FBN2: variants seen among roughly 807,000 people sequenced by gnomAD.
FBN2 encodes the protein fibrillin 2.
Under a neutral mutation model 355.6 loss-of-function variants are expected in FBN2, and 105 were observed. That is an observed-to-expected ratio of 0.30 (90% confidence interval 0.25 to 0.35). FBN2 has a LOEUF of 0.35. Ranked by LOEUF, FBN2 falls within the 10% of genes least tolerant of loss-of-function variation. The probability of loss-of-function intolerance (pLI) is 1.00; values close to 1 mark genes in which losing one functional copy is unlikely to be tolerated. For missense variants in FBN2, 3,280 were observed against 3,758.7 expected (o/e 0.87, Z 3.33); for synonymous variants, 1,350 against 1,301.2 (o/e 1.04, Z -0.81).
At chr5:128,381,468 G>A (rs1390828301) in intron 11 of FBN2, among the ~76,000 whole-genome samples, 1 of 152,002 alleles carries the variant, frequency 6.6e-6, no homozygotes, top group East Asian at 1.9e-4. Context: ...AGTTACTAGT[G>A]TTATCTTGGG....
rs183872016 is a variant in FBN2 at position 128,267,133 on chromosome 5, T to A, written c.7961-3477A>T. ...GGATGATGATTTCCAGCTTCATCCA[T>A]GTCCCTGCAAAGGACATGCTCTCAT... On this transcript the variant is annotated intron_variant, in intron 62 of 64. Coordinates refer to ENST00000262464, the MANE Select transcript of FBN2 (RefSeq NM_001999.4). Among the ~76,000 whole-genome samples the A allele has an allele frequency of 2.6e-3, 392 of 152,338 alleles. 3 individuals are homozygous for A. Among genetic ancestry groups the A allele is most frequent in the African/African-American group, 8.9e-3 (371 of 41,558 alleles).
At chr5:128,490,885 C>T (rs943103256) in intron 5 of FBN2, among the ~76,000 whole-genome samples, 4 of 152,098 alleles carry the variant, frequency 2.6e-5, no homozygotes, top group Non-Finnish European at 5.9e-5. Context: ...AAAGAGGTTA[C>T]TCATCAATTT....
rs957407798 is a variant in FBN2, at chr5:128,285,174, T to C, written c.7012+1544A>G. The stretch of plus-strand genomic sequence containing the variant: ...TTTAATTCCCTTAACTGTAATACTT[T>C]TAGTTTCCGTTGCAATCGACTTTTT... On this transcript the variant is annotated intron_variant, in intron 55 of 64. Transcript: ENST00000262464. Among the ~76,000 whole-genome samples, 6 of 149,700 alleles carry C rather than the reference T, an allele frequency of 4.0e-5. No homozygotes were observed. In the Admixed American group the frequency reaches 4.1e-4, roughly 10 times the overall value.
chr5:128,282,656 C>CT (rs563402620), intron 55 of FBN2, among the ~76,000 whole-genome samples: 1 of 152,024 alleles, frequency 6.6e-6, no homozygotes, highest in Non-Finnish European at 1.5e-5. Flanking sequence ...TTGCCTGATT[C>CT]TTTTTTCTGT....
intron 36 of FBN2, among the ~76,000 whole-genome samples, chr5:128,317,782 T>G (rs1750248264): frequency 6.6e-6 from 1 of 152,190 alleles, no homozygotes; most frequent in Non-Finnish European, 1.5e-5. Context: ...CTTCATTTAC[T>G]TTGCTATATG....
At chr5:128,481,142 C>A (rs984945749) in intron 5 of FBN2, among the ~76,000 whole-genome samples, 2 of 151,202 alleles carry the variant, frequency 1.3e-5, no homozygotes, top group Non-Finnish European at 2.9e-5. Flanking sequence ...AATTATTCAG[C>A]AAAGAGAAAT....
intron 5 of FBN2, among the ~76,000 whole-genome samples, chr5:128,510,221 A>G (rs1216316987): frequency 3.3e-5 from 5 of 152,176 alleles, no homozygotes; most frequent in Non-Finnish European, 7.4e-5. Flanking sequence ...TGGGCCACAC[A>G]TAAAATACAC....
intron 36 of FBN2, among the ~76,000 whole-genome samples, chr5:128,314,056 A>T (rs949844776): frequency 1.3e-5 from 2 of 151,986 alleles, no homozygotes; most frequent in African/African-American, 4.8e-5. Flanking sequence ...ACCTTCTGTA[A>T]GCCAGAGTGA....
intron 48 of FBN2, among the ~76,000 whole-genome samples, chr5:128,296,025 T>A (rs1749498704): frequency 6.6e-6 from 1 of 152,072 alleles, no homozygotes; most frequent in African/African-American, 2.4e-5. Context: ...ATACCTAATT[T>A]ATTGAGAGTT....
intron 5 of FBN2, among the ~76,000 whole-genome samples, chr5:128,517,454 ATAAT>A (rs777373192): frequency 3.9e-4 from 59 of 152,332 alleles, no homozygotes; most frequent in Non-Finnish European, 7.5e-4. Flanking sequence ...CTAACGTTTC[ATAAT>A]TAATTTTTCT....
intron 48 of FBN2, among the ~76,000 whole-genome samples, chr5:128,294,689 GT>G (rs767149935): frequency 4.7e-5 from 7 of 148,480 alleles, no homozygotes; most frequent in East Asian, 2.0e-4. Flanking sequence ...GGGGTTGTTT[GT>G]TTTTTTCTTG....
rs1750832356 is a variant in FBN2, at chr5:128,336,068, T to C, written c.3644A>G (p.Lys1215Arg). 6.2e-7 allele frequency: 1 copy of C among 1,613,592 alleles called. No individual in the cohort carries two copies. Among genetic ancestry groups the C allele is most frequent in the African/African-American group, 1.3e-5 (1 of 74,922 alleles). ...ATAGGTTCCAATCATGTTCACACATTTTCCATTTCTGCAGAGATTGTCACT... is the reference window on the plus strand; with the variant it reads ...ATAGGTTCCAATCATGTTCACACATCTTCCATTTCTGCAGAGATTGTCACT... ...SLSDNLCRNG[K>R]CVNMIGTYQC... The change falls in exon 28 of 65, where the codon AAA becomes AGA. Residue 1215 changes from lysine (K) to arginine (R), a missense_variant. Physicochemically the swap from Lys to Arg is conservative, Grantham distance 26. This residue lies in a region of FBN2 where 2,284 missense variants were observed against 2,749.5 expected (regional missense o/e 0.83). Coordinates refer to ENST00000262464, the MANE Select transcript of FBN2 (RefSeq NM_001999.4).
At chr5:128,316,500 C>T (rs923971609) in intron 36 of FBN2, among the ~76,000 whole-genome samples, 2 of 152,082 alleles carry the variant, frequency 1.3e-5, no homozygotes, top group Non-Finnish European at 2.9e-5. Flanking sequence ...TCAATCCATA[C>T]AAATCGAATT....
chr5:128,264,871 G>C (rs926119122), intron 62 of FBN2, among the ~76,000 whole-genome samples: 6 of 152,210 alleles, frequency 3.9e-5, no homozygotes, highest in Admixed American at 2.0e-4. Flanking sequence ...TCTCAGTGAA[G>C]AGGCCTCCCA....
At chr5:128,489,844 T>C (rs1755451721) in intron 5 of FBN2, among the ~76,000 whole-genome samples, 1 of 152,190 alleles carries the variant, frequency 6.6e-6, no homozygotes, top group African/African-American at 2.4e-5. Context: ...TTATAATTTA[T>C]AACCAGGAAG....
rs1314604547 is a variant in FBN2, at chr5:128,258,501, G to C, written c.*954C>G. On this transcript the variant is annotated 3_prime_UTR_variant, in exon 65 of 65. Coordinates refer to ENST00000262464, the MANE Select transcript of FBN2 (RefSeq NM_001999.4). ...AATGCACCATTATTTAAGACAGCAC[G>C]AAACACCACAGAATGCCAGGTGTTC... 1 of 152,554 alleles carries C rather than the reference G, an allele frequency of 6.6e-6. No individual in the cohort carries two copies. The highest frequency in any genetic ancestry group is 1.5e-5 in the Non-Finnish European group (1 of 68,020). The allele number at this position is 152,554 out of a possible 1,614,324, so 9.5% of individuals were successfully genotyped here.
intron 41 of FBN2, 127 bp from the exon 42 acceptor site, chr5:128,307,330 T>G: frequency 1.4e-6 from 1 of 702,634 alleles, no homozygotes; most frequent in Non-Finnish European, 2.6e-6. Flanking sequence ...ATTTCAATTA[T>G]ATTTATTTGA....
chr5:128,405,143 C>A (rs558928147), intron 8 of FBN2, among the ~76,000 whole-genome samples: 1 of 152,072 alleles, frequency 6.6e-6, no homozygotes, highest in Non-Finnish European at 1.5e-5. Context: ...TGCATTCCAA[C>A]CTGGGTGACA....
intron 53 of FBN2, 32 bp from the exon 54 acceptor site, chr5:128,287,462 G>GC: frequency 6.2e-7 from 1 of 1,612,620 alleles, no homozygotes; most frequent in African/African-American, 1.3e-5. Flanking sequence ...AATGTGCTCA[G>GC]CCTAGAGTTC....
Sources: allele counts gnomAD v4.1 joint callset (sites outside exome capture counted in the v4.1 genomes callset), GRCh38; gene constraint gnomAD v4.1.1; regional missense constraint gnomAD v4.1.1; transcripts MANE v1.5; gene names NCBI Gene and HGNC (gene_info 2026-07-23, HGNC 2026-07-21).